TRAPPC9: variants seen among roughly 807,000 people sequenced by gnomAD.
TRAPPC9 encodes the protein trafficking protein particle complex subunit 9, also known as IKK2 binding protein.
TRAPPC9 carries 83 observed loss-of-function variants against 124.0 expected under a neutral mutation model. The ratio of observed to expected loss-of-function variants is 0.67; its 90% CI spans 0.56 to 0.80. The LOEUF (loss-of-function observed/expected upper bound fraction) is 0.80. Ranked by LOEUF, TRAPPC9 falls within the 30% of genes least tolerant of loss-of-function variation. The pLI, the probability that TRAPPC9 is intolerant of heterozygous loss-of-function variation, is 0.00. For synonymous variants in TRAPPC9, 638 were observed against 617.5 expected, an observed-to-expected ratio of 1.03 and a Z score of -0.49; for missense variants, 1,302 against 1,508.3, an observed-to-expected ratio of 0.86 and a Z score of 2.27.
At chr8:140,314,656 C>T (rs573861821) in intron 9 of TRAPPC9, among the ~76,000 whole-genome samples, 95 of 152,154 alleles carry the variant, frequency 6.2e-4, no homozygotes, top group Non-Finnish European at 1.1e-3. Context: ...ATGAGACAAA[C>T]GTTTAAAAAT....
intron 17 of TRAPPC9, among the ~76,000 whole-genome samples, chr8:140,146,823 T>TG (rs2061470126): frequency 7.0e-6 from 1 of 143,740 alleles, no homozygotes; most frequent in African/African-American, 2.7e-5. Context: ...TCTATAACCT[T>TG]GGGCAAGTTA....
At position 139,963,225 on chromosome 8, in the gene TRAPPC9, C is replaced by G. The variant is rs1178357573; in HGVS notation, c.2810+25501G>C. ...TGATAATACTGCTATTTTTTCCCAC[C>G]CCAGTGGCTCTCATGCTCTCCCTTG... On this transcript the variant is annotated intron_variant, in intron 19 of 22. Transcript: ENST00000438773. Among the ~76,000 whole-genome samples the G allele has an allele frequency of 1.3e-5, 2 of 151,952 alleles. 1 individual carries two copies. The highest frequency in any genetic ancestry group is 4.2e-4 in the South Asian group (2 of 4,818).
intron 19 of TRAPPC9, among the ~76,000 whole-genome samples, chr8:139,937,692 C>T (rs887178964): frequency 3.9e-5 from 6 of 152,162 alleles, no homozygotes; most frequent in Non-Finnish European, 7.3e-5. Flanking sequence ...TCCTGGCAGA[C>T]GGCAGGGCAG....
At chr8:140,233,857 C>T (rs897475148) in intron 16 of TRAPPC9, among the ~76,000 whole-genome samples, 1 of 152,008 alleles carries the variant, frequency 6.6e-6, no homozygotes, top group Non-Finnish European at 1.5e-5. Flanking sequence ...GAAAGCCTTC[C>T]CAGCCCTTTA....
chr8:140,265,373 G>A (rs1448167552), intron 15 of TRAPPC9, among the ~76,000 whole-genome samples: 1 of 152,216 alleles, frequency 6.6e-6, no homozygotes, highest in Admixed American at 6.5e-5. Flanking sequence ...CATGGGAACA[G>A]CTTATTCCCC....
intron 3 of TRAPPC9, among the ~76,000 whole-genome samples, chr8:140,437,703 T>C (rs942723483): frequency 1.3e-5 from 2 of 152,210 alleles, no homozygotes; most frequent in Non-Finnish European, 2.9e-5. Flanking sequence ...ACCTCATTAC[T>C]TCATTCCGAC....
intron 18 of TRAPPC9, among the ~76,000 whole-genome samples, chr8:140,017,662 TCCAA>T: frequency 6.6e-6 from 1 of 152,318 alleles, no homozygotes; most frequent in South Asian, 2.1e-4. Context: ...GTGTAAGTCC[TCCAA>T]CTTTGTTCTT....
chr8:139,805,569 G>A (rs185300619), intron 21 of TRAPPC9, among the ~76,000 whole-genome samples: 1 of 152,246 alleles, frequency 6.6e-6, no homozygotes, highest in Non-Finnish European at 1.5e-5. Context: ...TCCTCTGGGA[G>A]TCGGGGCTGG....
intron 19 of TRAPPC9, among the ~76,000 whole-genome samples, chr8:139,971,966 C>T (rs1370205799): frequency 1.3e-5 from 2 of 151,948 alleles, no homozygotes. Flanking sequence ...GGACTACAGG[C>T]ACGCGCCACC....
chr8:139,866,783 T>C (rs1828571037), intron 21 of TRAPPC9, among the ~76,000 whole-genome samples: 1 of 152,118 alleles, frequency 6.6e-6, no homozygotes, highest in African/African-American at 2.4e-5. Flanking sequence ...TGTGTGTGTC[T>C]ATTTCTATTC....
rs545341555 is a variant in TRAPPC9 at position 140,272,367 on chromosome 8, T to C, written c.2278+3291A>G. 5.0e-3 allele frequency among the ~76,000 whole-genome samples: 742 copies of C among 147,004 alleles called. 1 individual carries two copies. The highest frequency in any genetic ancestry group is 5.4e-3 in the Non-Finnish European group (367 of 67,422). On this transcript the variant is annotated intron_variant, in intron 15 of 22. Coordinates refer to ENST00000438773, the MANE Select transcript of TRAPPC9 (RefSeq NM_001160372.4). The stretch of plus-strand genomic sequence containing the variant: ...GTCACAGTGGAGAGAGTGGTGGTAG[T>C]GAGGGTGGTGGTGATGATGGTGATG...
intron 15 of TRAPPC9, among the ~76,000 whole-genome samples, chr8:140,266,194 C>T (rs1358833020): frequency 1.3e-5 from 2 of 152,090 alleles, no homozygotes; most frequent in Admixed American, 6.6e-5. Context: ...TGGTGGGTCA[C>T]GCCTGTAATA....
At chr8:139,905,394 A>G (rs1761523725) in intron 20 of TRAPPC9, among the ~76,000 whole-genome samples, 1 of 152,256 alleles carries the variant, frequency 6.6e-6, no homozygotes, top group Non-Finnish European at 1.5e-5. Context: ...GGATAAATGC[A>G]CAAAGACAGC....
intron 11 of TRAPPC9, among the ~76,000 whole-genome samples, chr8:140,296,581 T>C (rs1268810614): frequency 6.6e-5 from 10 of 152,282 alleles, no homozygotes; most frequent in Middle Eastern, 3.4e-3. Flanking sequence ...TTTCTTAAGA[T>C]TGAAAAGGAA....
chr8:140,032,371 C>T (rs780316635), intron 17 of TRAPPC9, among the ~76,000 whole-genome samples: 7 of 152,076 alleles, frequency 4.6e-5, no homozygotes, highest in Non-Finnish European at 7.3e-5. Flanking sequence ...CATTTATTTA[C>T]ACAGAAACAA....
chr8:140,138,281 G>A (rs575550647), intron 17 of TRAPPC9, among the ~76,000 whole-genome samples: 25 of 152,110 alleles, frequency 1.6e-4, no homozygotes, highest in Middle Eastern at 3.4e-3. Flanking sequence ...CAGCCTGGGC[G>A]ACAGAGTGAG....
chr8:140,402,872 T>C (rs1350222253), intron 6 of TRAPPC9, among the ~76,000 whole-genome samples: 1 of 152,156 alleles, frequency 6.6e-6, no homozygotes, highest in Non-Finnish European at 1.5e-5. Flanking sequence ...ATGAATTCAA[T>C]ACATTGTGGT....
chr8:139,843,190 G>T lies in TRAPPC9; in HGVS notation c.3055+42689C>A, dbSNP rs533001441. ...TGCTGTAGGCATTTGGGCATCTGCT[G>T]AATAAACAGTCATGTGAGGTAAACA... On this transcript the variant is annotated intron_variant, in intron 21 of 22. Coordinates refer to ENST00000438773, the MANE Select transcript of TRAPPC9 (RefSeq NM_001160372.4). Among the ~76,000 whole-genome samples, 3 of 152,374 alleles carry T rather than the reference G, an allele frequency of 2.0e-5. No individual in the cohort carries two copies. The East Asian group carries it at 5.8e-4, about 29-fold the overall frequency.
rs765727575 is a variant in TRAPPC9 at position 139,910,133 on chromosome 8, CT to C, written c.2964+13del. ...AGGTGCCCCCAGGCCCAGGTGGCCC[CT>C]GGAAAAGGATATGATTCTCCAGCAG... On this transcript the variant is annotated intron_variant, in intron 20 of 22. Transcript: ENST00000438773. 6.2e-7 allele frequency: 1 copy of C among 1,614,014 alleles called. No individual in the cohort carries two copies. Among genetic ancestry groups the C allele is most frequent in the Non-Finnish European group, 8.5e-7 (1 of 1,179,940 alleles).
Sources: allele counts gnomAD v4.1 joint callset (sites outside exome capture counted in the v4.1 genomes callset), GRCh38; gene constraint gnomAD v4.1.1; transcripts MANE v1.5; gene names NCBI Gene and HGNC (gene_info 2026-07-23, HGNC 2026-07-21).